LRP2BP: variants seen among roughly 807,000 people sequenced by gnomAD.
The protein encoded by LRP2BP is LRP2-binding protein.
A neutral mutation model predicts 45.2 loss-of-function variants in LRP2BP; 38 were observed. The observed-to-expected ratio is 0.84, with a 90% CI of 0.65 to 1.10. LRP2BP has a LOEUF of 1.10. Ranked by LOEUF, LRP2BP falls within the 50% of genes least tolerant of loss-of-function variation. LRP2BP has a pLI of 0.00. For synonymous variants in LRP2BP, 153 were observed against 153.9 expected (o/e 0.99, Z 0.04); for missense variants, 385 against 418.9 (o/e 0.92, Z 0.71).
chr4:185,386,983 T>C (rs1477990080), intron 1 of LRP2BP, among the ~76,000 whole-genome samples: 2 of 152,178 alleles, frequency 1.3e-5, no homozygotes, highest in South Asian at 4.1e-4. Flanking sequence ...CAGTGGCTCA[T>C]GCCTGTAATC....
chr4:185,375,082 A>G (rs1453087767), intron 4 of LRP2BP, among the ~76,000 whole-genome samples: 1 of 151,974 alleles, frequency 6.6e-6, no homozygotes, highest in Non-Finnish European at 1.5e-5. Flanking sequence ...ATCACCCAAA[A>G]GAAGAAAATA....
chr4:185,383,524 G>T (rs2095461639), intron 1 of LRP2BP, among the ~76,000 whole-genome samples: 1 of 152,174 alleles, frequency 6.6e-6, no homozygotes, highest in Non-Finnish European at 1.5e-5. Context: ...GTATGTTAGT[G>T]TCGTTTGTGG....
chr4:185,393,489 G>A (rs757688412), intron 1 of LRP2BP, among the ~76,000 whole-genome samples: 8 of 150,918 alleles, frequency 5.3e-5, no homozygotes, highest in Non-Finnish European at 1.2e-4. Context: ...TTTTCACCTG[G>A]CACAATTCAC....
At chr4:185,367,303 C>CTTTTTTTTTTTT (rs138875428) in intron 8 of LRP2BP, 58 bp from the exon 9 acceptor site, 2 of 1,105,676 alleles carry the variant, frequency 1.8e-6, no homozygotes, top group African/African-American at 3.3e-5. Flanking sequence ...GGTCTTTCTT[C>CTTTTTTTTTTTT]TTTTTTTTTT....
At chr4:185,371,005 GGT>G in intron 7 of LRP2BP, 191 bp from the exon 8 acceptor site, 3 of 548,972 alleles carry the variant, frequency 5.5e-6, no homozygotes, top group East Asian at 5.9e-5. Flanking sequence ...TTCCCAGAGT[GGT>G]GACTTCACAT....
intron 4 of LRP2BP, among the ~76,000 whole-genome samples, chr4:185,375,231 A>T (rs2095429215): frequency 6.6e-6 from 1 of 150,720 alleles, no homozygotes; most frequent in Non-Finnish European, 1.5e-5. Flanking sequence ...ATGCACCACC[A>T]TGCCTGGCTA....
intron 3 of LRP2BP, among the ~76,000 whole-genome samples, 164 bp from the exon 4 acceptor site, chr4:185,375,890 A>G (rs2095435805): frequency 6.6e-6 from 1 of 152,140 alleles, no homozygotes. Context: ...GCTCTCAGCC[A>G]TGGTGCTCTG....
chr4:185,383,562 C>T (rs1237190163), intron 1 of LRP2BP, among the ~76,000 whole-genome samples: 2 of 152,168 alleles, frequency 1.3e-5, no homozygotes, highest in Admixed American at 6.5e-5. Context: ...AAAACAGTTA[C>T]CACGGCAGGC....
rs1214092161 is a variant in LRP2BP, at chr4:185,375,496, ATATATATATATATATATATG to A, written c.330+97_330+116del. On this transcript the variant is annotated intron_variant, in intron 4 of 8. Coordinates refer to ENST00000505916, the MANE Select transcript of LRP2BP (RefSeq NM_001377440.1). ...AAAAAAAAAAAAAAAAAATATATAT[ATATATATATATATATATATG>A]TATATATATATGTATTAAAATATAA... The A allele has an allele frequency of 6.2e-4, 43 of 69,066 alleles. No individual in the cohort carries two copies. In the East Asian group the frequency reaches 0.011, roughly 18 times the overall value. The allele number at this position is 69,066 out of a possible 1,614,324, so 4.3% of individuals were successfully genotyped here. A position where few individuals can be genotyped will look rare whatever the true frequency, so the allele number is the denominator to read the frequency against.
At chr4:185,374,278 G>A in intron 5 of LRP2BP, 38 bp from the exon 6 acceptor site, 1 of 1,614,036 alleles carries the variant, frequency 6.2e-7, no homozygotes, top group South Asian at 1.1e-5. Flanking sequence ...CTCGGTTTCA[G>A]CATTTCCTTC....
intron 1 of LRP2BP, among the ~76,000 whole-genome samples, chr4:185,381,750 G>T (rs2095456558): frequency 6.6e-6 from 1 of 152,082 alleles, no homozygotes; most frequent in Admixed American, 6.5e-5. Flanking sequence ...GTTTTGGGGG[G>T]CTTCAGTCTG....
Position 185,377,012 on chromosome 4 carries a change from G to T in LRP2BP, c.113C>A (p.Thr38Asn). 6.2e-7 allele frequency: 1 copy of T among 1,607,336 alleles called. No individual in the cohort carries two copies. The highest frequency in any genetic ancestry group is 8.5e-7 in the Non-Finnish European group (1 of 1,173,848). The stretch of plus-strand genomic sequence containing the variant: ...TGCCTTATCCACCAAATTAGCATGG[G>T]TGTAATCTGATTTTAAAAAGGTAAG... ...FQWKKEKTDY[T>N]HANLVDKALQ... is the part of the protein sequence containing the mutation. The change falls in exon 3 of 9, where the codon ACC (threonine) becomes AAC (asparagine). Residue 38 changes from threonine (T) to asparagine (N), a missense_variant. Coordinates refer to ENST00000505916, the MANE Select transcript of LRP2BP (RefSeq NM_001377440.1).
upstream of LRP2BP, chr4:185,396,714 G>A (rs1032093109): frequency 1.5e-5 from 9 of 593,000 alleles, no homozygotes; most frequent in Admixed American, 3.0e-5. Context: ...GGCCGTGGCG[G>A]GGCTGGACAG....
chr4:185,395,805 C>T lies in LRP2BP; in HGVS notation c.-1048G>A. ...AGCATAACAATAAACGTATTTATTT[C>T]TCCGAGCTTTCAAAGGCATCAACAG... On this transcript the variant is annotated 5_prime_UTR_variant, in exon 1 of 9. Transcript: ENST00000505916. 3.0e-6 allele frequency: 3 copies of T among 985,346 alleles called. No homozygotes were observed. Among genetic ancestry groups the T allele is most frequent in the Non-Finnish European group, 3.6e-6 (3 of 829,880 alleles). The allele number at this position is 985,346 out of a possible 1,614,324, so 61.0% of individuals were successfully genotyped here.
upstream of LRP2BP, chr4:185,396,691 T>A (rs999320876): frequency 2.0e-5 from 11 of 545,790 alleles, no homozygotes; most frequent in Non-Finnish European, 3.6e-5. Context: ...CGTGCCAGTG[T>A]TTGTGTACGT....
At chr4:185,397,258 T>C, upstream of LRP2BP, 1 of 1,614,094 alleles carries the variant, frequency 6.2e-7, no homozygotes, top group Non-Finnish European at 8.5e-7. Context: ...CCTTGCTTGC[T>C]TTCTTCTCTG....
intron 8 of LRP2BP, among the ~76,000 whole-genome samples, chr4:185,367,493 T>G (rs918118299): frequency 6.6e-6 from 1 of 152,190 alleles, no homozygotes; most frequent in Non-Finnish European, 1.5e-5. Context: ...AAAGGGAACT[T>G]AAGCACCAAT....
At position 185,395,795 on chromosome 4, in the gene LRP2BP, GTATT is replaced by G. The variant is rs2095500644; in HGVS notation, c.-1042_-1039del. ...GTTTTCTAACAGCATAACAATAAAC[GTATT>G]TATTTCTCCGAGCTTTCAAAGGCAT... On this transcript the variant is annotated 5_prime_UTR_variant, in exon 1 of 9. It introduces an in-frame stop codon into an upstream open reading frame of the 5' UTR. Coordinates refer to ENST00000505916, the MANE Select transcript of LRP2BP (RefSeq NM_001377440.1). 1.0e-6 allele frequency: 1 copy of G among 985,114 alleles called. No homozygotes were observed. Among genetic ancestry groups the G allele is most frequent in the African/African-American group, 1.7e-5 (1 of 57,316 alleles). 61.0% of individuals were successfully genotyped at this position (985,114 alleles called of 1,614,324 possible). A position where few individuals can be genotyped will look rare whatever the true frequency, so the allele number is the denominator to read the frequency against.
chr4:185,375,502 A>ATATG (rs2095433031), intron 4 of LRP2BP, 111 bp downstream of exon 4: 4 of 78,356 alleles, frequency 5.1e-5, no homozygotes, highest in African/African-American at 2.8e-4. Flanking sequence ...ATATATATAT[A>ATATG]TATATATATA....
Sources: gnomAD v4.1 joint callset for allele counts (sites outside exome capture counted in the v4.1 genomes callset) on GRCh38, gnomAD v4.1.1 for gene constraint, MANE v1.5 for transcripts, NCBI Gene and HGNC (gene_info 2026-07-23, HGNC 2026-07-21) for gene names.